Variants in SP110 observed in about 807,000 individuals in gnomAD.
SP110 encodes SP110 nuclear body protein, also known as interferon-induced protein 41, 30kD.
Under a neutral mutation model 92.7 loss-of-function variants are expected in SP110, and 62 were observed. The observed-to-expected ratio is 0.67, with a 90% CI of 0.55 to 0.83. SP110 has a LOEUF of 0.83. SP110 is among the 40% of genes least tolerant of loss of function. The pLI is 0.00. For synonymous variants in SP110, 273 were observed against 305.3 expected, an observed-to-expected ratio of 0.89 and a Z score of 1.10; for missense variants, 793 against 863.9, an observed-to-expected ratio of 0.92 and a Z score of 1.03.
chr2:230,186,183 T>G (rs750849677), intron 10 of SP110, 40 bp from the exon 11 acceptor site: 8 of 1,607,110 alleles, frequency 5.0e-6, no homozygotes, highest in African/African-American at 1.3e-5. Flanking sequence ...GTGAGCTCCC[T>G]TCTCATGTTC....
chr2:230,200,473 G>A (rs574683170), intron 10 of SP110: 1 of 197,272 alleles, frequency 5.1e-6, no homozygotes, highest in South Asian at 8.2e-5. Flanking sequence ...GGCCACATGA[G>A]AAATATGGAG....
Position 230,204,165 on chromosome 2 carries a change from C to A in SP110, c.899-1437G>T, listed in dbSNP as rs529713100. ...AATCTGGAAGGGACTGGAGTCTACT[C>A]CTTTCGGTAGCTTGGCAGAGAGATG... On this transcript the variant is annotated intron_variant, in intron 8 of 18. Transcript: ENST00000258381. 1.0e-3 allele frequency among the ~76,000 whole-genome samples: 155 copies of A among 152,330 alleles called. 1 individual carries two copies. Among genetic ancestry groups the A allele is most frequent in the African/African-American group, 3.6e-3 (148 of 41,578 alleles).
At chr2:230,220,186 G>T, upstream of SP110, 1 of 520,694 alleles carries the variant, frequency 1.9e-6, no homozygotes, top group Non-Finnish European at 2.5e-6. Flanking sequence ...AGCCCAGAGA[G>T]GGAGGTATGG....
intron 10 of SP110, among the ~76,000 whole-genome samples, chr2:230,197,015 G>A (rs2042909365): frequency 6.6e-6 from 1 of 152,166 alleles, no homozygotes; most frequent in African/African-American, 2.4e-5. Context: ...GTGTGCATGT[G>A]TCTTTATAGC....
At chr2:230,204,850 G>A (rs558190645) in intron 8 of SP110, among the ~76,000 whole-genome samples, 6 of 152,300 alleles carry the variant, frequency 3.9e-5, no homozygotes, top group African/African-American at 1.4e-4. Flanking sequence ...TTTATGGGGA[G>A]TAGTGTAGGT....
At chr2:230,177,796 A>T in intron 13 of SP110, 116 bp from the exon 14 acceptor site, 1 of 1,175,378 alleles carries the variant, frequency 8.5e-7, no homozygotes, top group Non-Finnish European at 1.3e-6. Flanking sequence ...TTCCTCTGTG[A>T]GGTGGAAGGA....
upstream of SP110, chr2:230,221,840 G>A (rs118058239): frequency 9.9e-7 from 1 of 1,012,138 alleles, no homozygotes; most frequent in Non-Finnish European, 1.5e-6. Flanking sequence ...TAAAGCAGGA[G>A]TGGGAAAATA....
intron 12 of SP110, among the ~76,000 whole-genome samples, chr2:230,179,559 G>A (rs1313390597): frequency 1.3e-5 from 2 of 151,944 alleles, no homozygotes; most frequent in East Asian, 3.9e-4. Flanking sequence ...ACCTAAGCGT[G>A]CATTACTGTT....
chr2:230,217,439 A>G (rs1439161969), intron 1 of SP110, among the ~76,000 whole-genome samples: 1 of 152,152 alleles, frequency 6.6e-6, no homozygotes, highest in Non-Finnish European at 1.5e-5. Context: ...GGAGGCTGAG[A>G]GTGACTGAAA....
intron 12 of SP110, among the ~76,000 whole-genome samples, chr2:230,181,049 A>G (rs2042105988): frequency 6.6e-6 from 1 of 152,230 alleles, no homozygotes; most frequent in Non-Finnish European, 1.5e-5. Context: ...GTACACATTT[A>G]TATGGTTATC....
In SP110 at chr2:230,209,973, C is replaced by A; in HGVS notation, c.787G>T (p.Glu263Ter). The A allele has an allele frequency of 6.2e-7, 1 of 1,610,300 alleles. No individual in the cohort carries two copies. Among genetic ancestry groups the A allele is most frequent in the Non-Finnish European group, 8.5e-7 (1 of 1,176,470 alleles). ...RDNSPEPNDP[E>*]EPQEVSSTPS... ...GTGCTGGACACCTCCTGGGGCTCTT[C>A]TGGGTCATTTGGTTCTGGAGAATTA... is the stretch of plus-strand genomic sequence containing the variant. The change falls in exon 7 of 19, where the codon GAA becomes TAA. Residue 263 changes from glutamate to a stop codon, truncating the protein, a stop_gained. Coordinates refer to ENST00000258381, the MANE Select transcript of SP110 (RefSeq NM_080424.4). LOFTEE classifies it high-confidence loss of function.
At chr2:230,209,233 G>A (rs1018600701) in intron 7 of SP110, among the ~76,000 whole-genome samples, 1 of 152,198 alleles carries the variant, frequency 6.6e-6, no homozygotes, top group African/African-American at 2.4e-5. Context: ...GCTTGCCTTT[G>A]GGTATGGGAG....
intron 18 of SP110, among the ~76,000 whole-genome samples, chr2:230,170,399 TC>T (rs1185726892): frequency 6.6e-6 from 1 of 152,044 alleles, no homozygotes. Context: ...ATGGTTTTTT[TC>T]AGCTTCTGTT....
At position 230,212,765 on chromosome 2, in the gene SP110, A is replaced by G. The variant is rs1228225343; in HGVS notation, c.579T>C (p.Thr193=). ...TGGATGGGATCTGTTTCTCACCTGA[A>G]GTGCTTCTTCCTTCCTGGATGAGTG... The part of the protein sequence containing the change: ...LPALIQEGRS[T]SVTNDKLTSK... The change falls in exon 4 of 19, where the codon ACT becomes ACC. Residue 193 remains threonine, a synonymous_variant. Transcript: ENST00000258381. The G allele has an allele frequency of 3.1e-6, 5 of 1,614,028 alleles. No individual in the cohort carries two copies. The highest frequency in any genetic ancestry group is 3.3e-5 in the Admixed American group (2 of 60,012).
At chr2:230,210,063 C>A in intron 6 of SP110, 55 bp from the exon 7 acceptor site, 1 of 1,076,100 alleles carries the variant, frequency 9.3e-7, no homozygotes. Context: ...AGAGAAAGTG[C>A]TGAGGGAAGT....
chr2:230,169,025 G>T lies in SP110; in HGVS notation c.*99C>A. On this transcript the variant is annotated 3_prime_UTR_variant, in exon 19 of 19. Transcript: ENST00000258381. The stretch of plus-strand genomic sequence containing the variant: ...TGTCTGGGTTTGGGTCCTGAGGGCA[G>T]CCAATTACATCCCAGACTCACTGGC... The T allele has an allele frequency of 2.4e-6, 2 of 824,230 alleles. No homozygotes were observed. 51.1% of individuals were successfully genotyped at this position (824,230 alleles called of 1,614,324 possible).
chr2:230,186,273 A>G (rs2042355091), intron 10 of SP110, 130 bp from the exon 11 acceptor site: 1 of 856,828 alleles, frequency 1.2e-6, no homozygotes, highest in African/African-American at 1.7e-5. Flanking sequence ...TCTTCCCCCC[A>G]GACTCATAAT....
chr2:230,212,304 C>A, intron 5 of SP110, 43 bp downstream of exon 5: 1 of 1,430,310 alleles, frequency 7.0e-7, no homozygotes, highest in South Asian at 1.1e-5. Context: ...TCTCCCTTCA[C>A]AGTCACCTTG....
chr2:230,179,897 C>G (rs950316329), intron 12 of SP110, among the ~76,000 whole-genome samples: 1 of 152,056 alleles, frequency 6.6e-6, no homozygotes, highest in African/African-American at 2.4e-5. Flanking sequence ...GGCAGGCCAT[C>G]AAGTGAGGTG....
Sources: allele counts gnomAD v4.1 joint callset (sites outside exome capture counted in the v4.1 genomes callset), GRCh38; gene constraint gnomAD v4.1.1; transcripts MANE v1.5; gene names NCBI Gene and HGNC (gene_info 2026-07-23, HGNC 2026-07-21).